NELL1: variants seen among roughly 807,000 people sequenced by gnomAD.
NELL1 encodes the protein neural EGFL like 1, also known as protein kinase C-binding protein NELL1.
NELL1 carries 76 observed loss-of-function variants against 107.4 expected under a neutral mutation model. The observed-to-expected ratio is 0.71, with a 90% CI of 0.59 to 0.86. NELL1 has a LOEUF of 0.86. Ranked by LOEUF, NELL1 falls within the 40% of genes least tolerant of loss-of-function variation. The pLI, the probability that NELL1 is intolerant of heterozygous loss-of-function variation, is 0.00. For synonymous variants in NELL1, 353 were observed against 341.2 expected, an observed-to-expected ratio of 1.03 and a Z score of -0.38; for missense variants, 1,024 against 1,005.5, an observed-to-expected ratio of 1.02 and a Z score of -0.25.
intron 15 of NELL1, among the ~76,000 whole-genome samples, chr11:21,459,795 G>A (rs978652219): frequency 6.6e-6 from 1 of 152,026 alleles, no homozygotes; most frequent in Admixed American, 6.6e-5. Flanking sequence ...AGGAGAGGTG[G>A]TAAAGTGGGA....
chr11:20,902,790 T>C (rs1035047934), intron 5 of NELL1, among the ~76,000 whole-genome samples: 5 of 151,886 alleles, frequency 3.3e-5, no homozygotes, highest in Admixed American at 6.6e-5. Flanking sequence ...ATCAGTGAAA[T>C]TGAACAAAAA....
intron 15 of NELL1, among the ~76,000 whole-genome samples, chr11:21,408,276 CCA>C (rs1326026018): frequency 6.6e-6 from 1 of 151,978 alleles, no homozygotes; most frequent in Non-Finnish European, 1.5e-5. Flanking sequence ...CTAACTACTC[CCA>C]CTCTTCCTAC....
At chr11:20,909,484 C>A (rs1850077601) in intron 5 of NELL1, among the ~76,000 whole-genome samples, 1 of 152,086 alleles carries the variant, frequency 6.6e-6, no homozygotes, top group Non-Finnish European at 1.5e-5. Context: ...AACAAGAACT[C>A]CAGGGCCGGG....
intron 14 of NELL1, among the ~76,000 whole-genome samples, chr11:21,337,434 T>A (rs2032364): frequency 0.54 from 82,309 of 151,454 alleles, 22,733 homozygotes; most frequent in Admixed American, 0.65. Context: ...GCTTTGGATC[T>A]TGCTCTTCCA....
intron 13 of NELL1, among the ~76,000 whole-genome samples, chr11:21,131,109 C>T (rs1444158959): frequency 6.6e-6 from 1 of 152,116 alleles, no homozygotes; most frequent in East Asian, 1.9e-4. Context: ...AATGCTGGAA[C>T]TTTTGCCTCT....
At chr11:21,253,406 T>C (rs992075655) in intron 14 of NELL1, among the ~76,000 whole-genome samples, 6 of 152,158 alleles carry the variant, frequency 3.9e-5, no homozygotes, top group African/African-American at 1.2e-4. Context: ...CTGTGTCATT[T>C]TCCAATGTTT....
In NELL1 at chr11:21,006,038, G is replaced by T. The variant is rs1290905345; in HGVS notation, c.1300+45478G>T. Among the ~76,000 whole-genome samples the T allele has an allele frequency of 3.5e-5, 5 of 142,902 alleles. No individual in the cohort carries two copies. The South Asian group carries it at 6.4e-4, about 18-fold the overall frequency. The allele number at this position is 142,902 out of a possible 152,430, so 93.7% of individuals were successfully genotyped here. On this transcript the variant is annotated intron_variant, in intron 12 of 19. Transcript: ENST00000357134. ...ATATAATTGATAATTTCATAGATTTGGGGGGGGGAGTGGGAAATTAAATGA... is the reference window on the plus strand; with the variant it reads ...ATATAATTGATAATTTCATAGATTTTGGGGGGGGAGTGGGAAATTAAATGA...
At chr11:21,089,947 G>C (rs1043916175) in intron 12 of NELL1, among the ~76,000 whole-genome samples, 1 of 152,174 alleles carries the variant, frequency 6.6e-6, no homozygotes, top group African/African-American at 2.4e-5. Context: ...TTCGTATGGT[G>C]CTTATTTGAA....
chr11:21,253,309 A>G (rs1466639929), intron 14 of NELL1, among the ~76,000 whole-genome samples: 3 of 152,108 alleles, frequency 2.0e-5, no homozygotes, highest in Non-Finnish European at 2.9e-5. Context: ...ATCTGTCTGT[A>G]TATACTGCTG....
chr11:21,249,308 G>A (rs558703655), intron 14 of NELL1, among the ~76,000 whole-genome samples: 1 of 152,124 alleles, frequency 6.6e-6, no homozygotes, highest in African/African-American at 2.4e-5. Flanking sequence ...AGAATAATTA[G>A]TAGGTTTGAC....
At chr11:21,066,394 T>G (rs539860334) in intron 12 of NELL1, among the ~76,000 whole-genome samples, 33 of 152,348 alleles carry the variant, frequency 2.2e-4, no homozygotes, top group African/African-American at 7.0e-4. Context: ...CAGGATGATT[T>G]TTTGGCCTTT....
chr11:21,202,498 TATTTA>T (rs1469640282), intron 13 of NELL1, among the ~76,000 whole-genome samples: 1 of 152,218 alleles, frequency 6.6e-6, no homozygotes, highest in Non-Finnish European at 1.5e-5. Context: ...TTATTGCATC[TATTTA>T]ATTCTTCTCT....
chr11:21,539,812 G>A (rs752312258), intron 16 of NELL1, among the ~76,000 whole-genome samples: 59 of 151,580 alleles, frequency 3.9e-4, no homozygotes, highest in Non-Finnish European at 5.2e-4. Flanking sequence ...TTTTGGTTGC[G>A]AAAACAGGAA....
At chr11:21,506,168 C>A (rs1415774666) in intron 15 of NELL1, among the ~76,000 whole-genome samples, 5 of 152,174 alleles carry the variant, frequency 3.3e-5, no homozygotes. Flanking sequence ...GGTTGTATTA[C>A]TATCCTTTAA....
At chr11:21,237,685 ACTATAGT>A (rs1211103710) in intron 14 of NELL1, among the ~76,000 whole-genome samples, 2 of 152,108 alleles carry the variant, frequency 1.3e-5, no homozygotes, top group Non-Finnish European at 2.9e-5. Context: ...CAATGATCAG[ACTATAGT>A]CTGAATGGAA....
At chr11:21,366,083 A>G (rs1008767252) in intron 14 of NELL1, among the ~76,000 whole-genome samples, 2 of 152,114 alleles carry the variant, frequency 1.3e-5, no homozygotes, top group Non-Finnish European at 2.9e-5. Context: ...GGCGTTTGAT[A>G]AATATGCTCT....
intron 12 of NELL1, among the ~76,000 whole-genome samples, chr11:20,962,996 G>A (rs1397961338): frequency 6.6e-6 from 1 of 152,178 alleles, no homozygotes; most frequent in Admixed American, 6.5e-5. Context: ...GGGAGGCACA[G>A]AGAACCCAGT....
intron 14 of NELL1, among the ~76,000 whole-genome samples, chr11:21,290,414 A>G (rs961430253): frequency 6.6e-5 from 10 of 151,272 alleles, no homozygotes; most frequent in African/African-American, 9.7e-5. Context: ...TAAATAAATA[A>G]ATAAATAAAT....
At chr11:21,243,959 G>T (rs1858427672) in intron 14 of NELL1, among the ~76,000 whole-genome samples, 1 of 152,054 alleles carries the variant, frequency 6.6e-6, no homozygotes, top group East Asian at 1.9e-4. Context: ...TTTTTGTTAT[G>T]TTGAGCAGCC....
Sources: gnomAD v4.1 joint callset for allele counts (sites outside exome capture counted in the v4.1 genomes callset) on GRCh38, gnomAD v4.1.1 for gene constraint, MANE v1.5 for transcripts, NCBI Gene and HGNC (gene_info 2026-07-23, HGNC 2026-07-21) for gene names.